The following EDIL3 variants were observed in gnomAD, a reference collection of about 807,000 sequenced individuals.
EDIL3 encodes EGF-like repeat and discoidin I-like domain-containing protein 3.
Under a neutral mutation model 67.4 loss-of-function variants are expected in EDIL3, and 37 were observed. The observed-to-expected ratio is 0.55, with a 90% CI of 0.42 to 0.72. The LOEUF is 0.72. Among genes scored for constraint, EDIL3 ranks in the 30% least tolerant of loss-of-function variants. The pLI is 0.00. For synonymous variants in EDIL3, 195 were observed against 196.3 expected, an observed-to-expected ratio of 0.99 and a Z score of 0.05; for missense variants, 527 against 586.3, an observed-to-expected ratio of 0.90 and a Z score of 1.04.
At chr5:84,290,481 T>C (rs1482895565) in intron 1 of EDIL3, among the ~76,000 whole-genome samples, 1 of 152,148 alleles carries the variant, frequency 6.6e-6, no homozygotes, top group Non-Finnish European at 1.5e-5. Flanking sequence ...TGGCAGAATA[T>C]GCCACCTCAA....
rs1580069646 is a variant in EDIL3 at position 84,309,811 on chromosome 5, T to C, written c.68-55599A>G. On this transcript the variant is annotated intron_variant, in intron 1 of 10. Coordinates refer to ENST00000296591, the MANE Select transcript of EDIL3 (RefSeq NM_005711.5). ...TAGTGCCGCAATAAACACGTGTGCA[T>C]GTGTCTTTATAGCAGCATGATTTAT... Among the ~76,000 whole-genome samples the C allele has an allele frequency of 2.0e-5, 3 of 152,194 alleles. No homozygotes were observed. In the East Asian group the frequency reaches 5.8e-4, roughly 29 times the overall value.
chr5:84,219,350 T>G (rs1311235250), intron 3 of EDIL3, among the ~76,000 whole-genome samples: 2 of 152,162 alleles, frequency 1.3e-5, no homozygotes, highest in African/African-American at 4.8e-5. Flanking sequence ...ATTTAAAAAA[T>G]TCTTGAGAAA....
At chr5:84,382,506 C>T (rs993022273) in intron 1 of EDIL3, among the ~76,000 whole-genome samples, 1 of 152,060 alleles carries the variant, frequency 6.6e-6, no homozygotes, top group African/African-American at 2.4e-5. Context: ...CGGGGACGTA[C>T]GGTGGTGGCG....
intron 7 of EDIL3, among the ~76,000 whole-genome samples, chr5:84,065,114 A>G (rs538840556): frequency 2.6e-5 from 4 of 152,240 alleles, no homozygotes; most frequent in African/African-American, 9.6e-5. Flanking sequence ...AGTCTTTCAG[A>G]ACCAGGGCAG....
chr5:84,208,726 C>T (rs1373434287), intron 3 of EDIL3, among the ~76,000 whole-genome samples: 2 of 132,394 alleles, frequency 1.5e-5, no homozygotes, highest in African/African-American at 5.6e-5. Flanking sequence ...CAGGAAACAA[C>T]AGGTGCTAGA....
intron 1 of EDIL3, among the ~76,000 whole-genome samples, chr5:84,367,807 A>G (rs561885462): frequency 6.6e-6 from 1 of 152,044 alleles, no homozygotes; most frequent in Non-Finnish European, 1.5e-5. Flanking sequence ...CATCCTTTCA[A>G]CCAACTAGAT....
At chr5:83,981,852 T>C (rs1418235224) in intron 9 of EDIL3, among the ~76,000 whole-genome samples, 1 of 152,110 alleles carries the variant, frequency 6.6e-6, no homozygotes, top group Non-Finnish European at 1.5e-5. Context: ...AAGAAGACTT[T>C]GCCATCTGCT....
chr5:84,262,540 C>G (rs1218702672), intron 1 of EDIL3, among the ~76,000 whole-genome samples: 1 of 151,514 alleles, frequency 6.6e-6, no homozygotes, highest in Non-Finnish European at 1.5e-5. Flanking sequence ...AATAGAATAG[C>G]TACTATTTAA....
intron 1 of EDIL3, among the ~76,000 whole-genome samples, chr5:84,362,036 C>A (rs928747052): frequency 1.3e-5 from 2 of 151,922 alleles, no homozygotes; most frequent in African/African-American, 4.8e-5. Context: ...ATAAAATGAA[C>A]TTAATGTAGA....
rs996312864 is a variant in EDIL3, at chr5:84,127,567, C to T, written c.469+9674G>A. ...ACTTGCAATCTGGCATTCTTCTCTA[C>T]AGACACACAATTATATAAGGGCCAT... On this transcript the variant is annotated intron_variant, in intron 5 of 10. Transcript: ENST00000296591. Among the ~76,000 whole-genome samples the T allele has an allele frequency of 6.6e-5, 10 of 152,018 alleles. No individual in the cohort carries two copies. The East Asian group carries it at 7.7e-4, about 12-fold the overall frequency.
intron 1 of EDIL3, among the ~76,000 whole-genome samples, chr5:84,308,583 C>T (rs1012372349): frequency 1.3e-5 from 2 of 151,902 alleles, no homozygotes; most frequent in African/African-American, 4.8e-5. Flanking sequence ...TTGTTATTTC[C>T]TTGGCCATGT....
chr5:84,253,096 A>G (rs900937782), intron 2 of EDIL3, among the ~76,000 whole-genome samples: 3 of 152,182 alleles, frequency 2.0e-5, no homozygotes, highest in Admixed American at 6.5e-5. Flanking sequence ...ACCAATAGTT[A>G]CTGGATTTTT....
chr5:84,138,405 C>G (rs1369444587), intron 4 of EDIL3, among the ~76,000 whole-genome samples: 6 of 152,194 alleles, frequency 3.9e-5, no homozygotes, highest in Non-Finnish European at 5.9e-5. Flanking sequence ...TGCCACACTC[C>G]ATCTGGAAAA....
chr5:84,302,366 G>A (rs181194933), intron 1 of EDIL3, among the ~76,000 whole-genome samples: 1,565 of 152,036 alleles, frequency 0.01, 26 homozygotes, highest in African/African-American at 0.036. Context: ...GCACAATCTC[G>A]GCTCACTGCA....
intron 1 of EDIL3, among the ~76,000 whole-genome samples, chr5:84,325,378 A>G (rs1746736811): frequency 6.6e-6 from 1 of 151,988 alleles, no homozygotes; most frequent in Non-Finnish European, 1.5e-5. Context: ...CAAACACATG[A>G]AACAATGCTC....
intron 3 of EDIL3, among the ~76,000 whole-genome samples, chr5:84,215,363 C>T (rs543148865): frequency 7.2e-5 from 11 of 152,106 alleles, no homozygotes; most frequent in Non-Finnish European, 1.5e-4. Flanking sequence ...AGGCCATTCT[C>T]CTGCCTCAGC....
At chr5:84,012,361 G>C (rs959538822) in intron 9 of EDIL3, among the ~76,000 whole-genome samples, 1 of 152,048 alleles carries the variant, frequency 6.6e-6, no homozygotes, top group Non-Finnish European at 1.5e-5. Flanking sequence ...CTTTTGTAAT[G>C]ACAAAAATAA....
chr5:84,239,136 T>G (rs1744743206), intron 2 of EDIL3, among the ~76,000 whole-genome samples: 1 of 152,186 alleles, frequency 6.6e-6, no homozygotes, highest in Non-Finnish European at 1.5e-5. Context: ...GACAGGCCAG[T>G]CATTCAAATA....
At chr5:84,111,751 G>A (rs1413537534) in intron 5 of EDIL3, among the ~76,000 whole-genome samples, 1 of 152,200 alleles carries the variant, frequency 6.6e-6, no homozygotes, top group Non-Finnish European at 1.5e-5. Flanking sequence ...TCTCATCTCT[G>A]AATGGGAAGA....
Sources: allele counts gnomAD v4.1 joint callset (sites outside exome capture counted in the v4.1 genomes callset), GRCh38; gene constraint gnomAD v4.1.1; transcripts MANE v1.5; gene names NCBI Gene and HGNC (gene_info 2026-07-23, HGNC 2026-07-21).